Variants in RGS17 observed in about 807,000 individuals in gnomAD.
RGS17 encodes the protein regulator of G-protein signaling 17.
RGS17 carries 12 observed loss-of-function variants against 25.5 expected under a neutral mutation model. The observed-to-expected ratio is 0.47, with a 90% CI of 0.30 to 0.76. The LOEUF (loss-of-function observed/expected upper bound fraction) is 0.76. Ranked by LOEUF, RGS17 falls within the 30% of genes least tolerant of loss-of-function variation. RGS17 has a pLI of 0.07. For synonymous variants in RGS17, 71 were observed against 76.9 expected, an observed-to-expected ratio of 0.92 and a Z score of 0.40; for missense variants, 196 against 242.2, an observed-to-expected ratio of 0.81 and a Z score of 1.27.
At chr6:153,114,055 G>A in intron 1 of RGS17, among the ~76,000 whole-genome samples, 1 of 152,056 alleles carries the variant, frequency 6.6e-6, no homozygotes, top group East Asian at 1.9e-4. Context: ...TCAAAAGCTA[G>A]CAAAAGATAA....
At chr6:153,067,767 TCAAAGTACCAAA>T (rs1411810665) in intron 1 of RGS17, among the ~76,000 whole-genome samples, 4 of 152,200 alleles carry the variant, frequency 2.6e-5, no homozygotes, top group Non-Finnish European at 4.4e-5. Flanking sequence ...GCAATCTCTA[TCAAAGTACCAAA>T]CACATTTCTC....
At chr6:153,013,178 C>G (rs999662656) in intron 4 of RGS17, among the ~76,000 whole-genome samples, 17 of 152,176 alleles carry the variant, frequency 1.1e-4, no homozygotes, top group South Asian at 4.1e-4. Flanking sequence ...CACTCTGTGT[C>G]TCTGTGTCAC....
At chr6:153,072,799 TC>T (rs1776824573) in intron 1 of RGS17, among the ~76,000 whole-genome samples, 1 of 152,022 alleles carries the variant, frequency 6.6e-6, no homozygotes, top group Admixed American at 6.6e-5. Context: ...TAACTTGGAA[TC>T]ACTAGAGTTA....
At chr6:153,022,290 T>C (rs1162217505) in intron 4 of RGS17, among the ~76,000 whole-genome samples, 2 of 152,308 alleles carry the variant, frequency 1.3e-5, no homozygotes, top group East Asian at 3.9e-4. Flanking sequence ...ATAATCACTA[T>C]TGTAACTCTA....
At position 153,008,498 on chromosome 6, in the gene RGS17, A is replaced by G. The variant is rs1431498399; in HGVS notation, c.*3076T>C. ...CCGAGTAAAGAAGTGCCATCCATCC[A>G]TTACTGGTGTGATTAATGTACAAGA... On this transcript the variant is annotated 3_prime_UTR_variant, in exon 5 of 5. Transcript: ENST00000206262. 1 of 152,192 alleles carries G rather than the reference A, an allele frequency of 6.6e-6. No homozygotes were observed. The highest frequency in any genetic ancestry group is 6.5e-5 in the Admixed American group (1 of 15,274). The allele number at this position is 152,192 out of a possible 1,614,324, so 9.4% of individuals were successfully genotyped here. A position where few individuals can be genotyped will look rare whatever the true frequency, so the allele number is the denominator to read the frequency against.
chr6:153,066,220 T>C lies in RGS17; in HGVS notation c.-25-22177A>G, dbSNP rs188916132. Among the ~76,000 whole-genome samples the C allele has an allele frequency of 1.3e-3, 194 of 152,094 alleles. 1 individual carries two copies. Among genetic ancestry groups the C allele is most frequent in the African/African-American group, 3.9e-3 (160 of 41,516 alleles). ...CTTAGACACATACAACCTACCACGA[T>C]TGAACCAGAAAGAAATCCAAAATCA... On this transcript the variant is annotated intron_variant, in intron 1 of 4. Transcript: ENST00000206262.
intron 1 of RGS17, among the ~76,000 whole-genome samples, chr6:153,080,779 T>G (rs928858501): frequency 6.6e-6 from 1 of 152,040 alleles, no homozygotes; most frequent in Admixed American, 6.6e-5. Flanking sequence ...AGCACTACTT[T>G]AGCTGCATTA....
chr6:153,020,140 T>TATATATA (rs1779232815), intron 4 of RGS17, among the ~76,000 whole-genome samples: 1 of 18,240 alleles, frequency 5.5e-5, no homozygotes, highest in Non-Finnish European at 9.4e-5. Flanking sequence ...ATATATATAT[T>TATATATA]TTTTTTTTTT....
chr6:153,073,453 C>A (rs1421194653), intron 1 of RGS17, among the ~76,000 whole-genome samples: 1 of 152,074 alleles, frequency 6.6e-6, no homozygotes, highest in Non-Finnish European at 1.5e-5. Flanking sequence ...CAGAAAGTAA[C>A]CAAGGGTGCA....
At chr6:153,024,956 T>G (rs150002376) in intron 3 of RGS17, among the ~76,000 whole-genome samples, 298 of 152,238 alleles carry the variant, frequency 2.0e-3, no homozygotes, top group African/African-American at 6.8e-3. Flanking sequence ...TTTTTTCATC[T>G]GTCACTTGAT....
In RGS17 at chr6:153,005,133, A is replaced by G. The variant is rs1007411462; in HGVS notation, c.*6441T>C. 1 of 152,212 alleles carries G rather than the reference A, an allele frequency of 6.6e-6. No individual in the cohort carries two copies. The highest frequency in any genetic ancestry group is 1.5e-5 in the Non-Finnish European group (1 of 68,026). 9.4% of individuals were successfully genotyped at this position (152,212 alleles called of 1,614,324 possible). ...CAGTGTTCATTGATTAGTGGAGGGCAATATAAAAATGCAATAAGCAAAATG... is the reference window on the plus strand; with the variant it reads ...CAGTGTTCATTGATTAGTGGAGGGCGATATAAAAATGCAATAAGCAAAATG... On this transcript the variant is annotated 3_prime_UTR_variant, in exon 5 of 5. Transcript: ENST00000206262.
intron 2 of RGS17, among the ~76,000 whole-genome samples, chr6:153,038,793 A>G (rs1261035201): frequency 6.6e-6 from 1 of 152,206 alleles, no homozygotes; most frequent in African/African-American, 2.4e-5. Context: ...GTGTGACAGC[A>G]TCAGAGGATA....
intron 4 of RGS17, among the ~76,000 whole-genome samples, chr6:153,022,139 T>C (rs1300117765): frequency 6.6e-6 from 1 of 151,806 alleles, no homozygotes. Context: ...ACCCAGGAGG[T>C]GGAGGTTGCA....
chr6:153,070,216 T>C (rs1353569688), intron 1 of RGS17, among the ~76,000 whole-genome samples: 1 of 151,920 alleles, frequency 6.6e-6, no homozygotes, highest in Non-Finnish European at 1.5e-5. Flanking sequence ...AAATGACAAG[T>C]TGTTTTCTTT....
At chr6:153,068,124 G>T (rs1776734828) in intron 1 of RGS17, among the ~76,000 whole-genome samples, 1 of 152,078 alleles carries the variant, frequency 6.6e-6, no homozygotes, top group South Asian at 2.1e-4. Flanking sequence ...AATGAAACTA[G>T]ATCCCTATCT....
intron 4 of RGS17, among the ~76,000 whole-genome samples, chr6:153,020,407 C>T (rs574964395): frequency 2.1e-4 from 32 of 151,772 alleles, no homozygotes; most frequent in African/African-American, 7.2e-4. Flanking sequence ...CCCATCTTGG[C>T]CTCCCAAAGT....
At chr6:153,080,601 CATG>C (rs1344866428) in intron 1 of RGS17, among the ~76,000 whole-genome samples, 3 of 151,980 alleles carry the variant, frequency 2.0e-5, no homozygotes, top group Non-Finnish European at 4.4e-5. Flanking sequence ...GCCTGATTTT[CATG>C]ATTTCTGCCT....
intron 1 of RGS17, among the ~76,000 whole-genome samples, chr6:153,100,250 G>C (rs1454011471): frequency 1.3e-5 from 2 of 152,070 alleles, no homozygotes; most frequent in African/African-American, 4.8e-5. Flanking sequence ...CGTTTTTCTT[G>C]TCTACATCAT....
rs184820995 is a variant in RGS17 at position 153,096,678 on chromosome 6, T to C, written c.-26+34446A>G. 3.9e-5 allele frequency among the ~76,000 whole-genome samples: 6 copies of C among 152,322 alleles called. No individual in the cohort carries two copies. The East Asian group carries it at 5.8e-4, about 15-fold the overall frequency. ...TAAAATGTAAAATGTATGTAAACTT[T>C]AGGAAATTTTTTCTATGAGGAATAT... On this transcript the variant is annotated intron_variant, in intron 1 of 4. Transcript: ENST00000206262.
Sources: gnomAD v4.1 joint callset for allele counts (sites outside exome capture counted in the v4.1 genomes callset) on GRCh38, gnomAD v4.1.1 for gene constraint, MANE v1.5 for transcripts, NCBI Gene and HGNC (gene_info 2026-07-23, HGNC 2026-07-21) for gene names.